The following PALM2AKAP2 variants were observed in gnomAD, a reference collection of about 807,000 sequenced individuals.
PALM2AKAP2 encodes PALM2 and AKAP2 fusion.
PALM2AKAP2 carries 37 observed loss-of-function variants against 71.5 expected under a neutral mutation model. That is an observed-to-expected ratio of 0.52 (90% CI 0.40 to 0.68). The LOEUF is 0.68. PALM2AKAP2 is among the 30% of genes least tolerant of loss of function. The probability of loss-of-function intolerance (pLI) is 0.00; values close to 1 mark genes in which losing one functional copy is unlikely to be tolerated. For synonymous variants in PALM2AKAP2, 468 were observed against 478.8 expected, an observed-to-expected ratio of 0.98 and a Z score of 0.29; for missense variants, 1,224 against 1,191.8, an observed-to-expected ratio of 1.03 and a Z score of -0.40.
intron 6 of PALM2AKAP2, among the ~76,000 whole-genome samples, chr9:110,003,289 A>C (rs1356766709): frequency 6.6e-6 from 1 of 151,486 alleles, no homozygotes; most frequent in Non-Finnish European, 1.5e-5. Flanking sequence ...TTTGTTATGT[A>C]CCCAGTAGTC....
chr9:109,959,013 G>T (rs1037035742), intron 6 of PALM2AKAP2, among the ~76,000 whole-genome samples: 24 of 152,216 alleles, frequency 1.6e-4, no homozygotes, highest in Middle Eastern at 3.4e-3. Context: ...TGCCATCTTT[G>T]TGCCCTCACT....
chr9:109,790,402 G>T (rs969652094), intron 1 of PALM2AKAP2, among the ~76,000 whole-genome samples: 3 of 151,974 alleles, frequency 2.0e-5, no homozygotes, highest in African/African-American at 7.3e-5. Context: ...TTAAATTCAG[G>T]GCTGAAACTT....
exon 4 of PALM2AKAP2, chr9:110,169,863 T>C (rs1335330047): frequency 6.6e-6 from 1 of 152,412 alleles, no homozygotes; most frequent in Non-Finnish European, 1.5e-5. Context: ...GGCACTTGGG[T>C]GTACAGGTAA....
Position 110,107,380 on chromosome 9 carries a change from G to A in PALM2AKAP2, c.157-28747G>A, listed in dbSNP as rs546466150. Reference sequence around the variant, plus strand: ...AATATGTACAAGTAATATATAATAAGTAAATTTTAGAAATAAGAGAAAAGA... The same window carrying A: ...AATATGTACAAGTAATATATAATAAATAAATTTTAGAAATAAGAGAAAAGA... On this transcript the variant is annotated intron_variant, in intron 1 of 3. Transcript: ENST00000374525. Among the ~76,000 whole-genome samples the A allele has an allele frequency of 3.3e-5, 5 of 152,242 alleles. No homozygotes were observed. The South Asian group carries it at 8.3e-4, about 25-fold the overall frequency.
At chr9:110,090,507 C>T (rs1834682409) in intron 1 of PALM2AKAP2, 17 of 449,570 alleles carry the variant, frequency 3.8e-5, no homozygotes, top group South Asian at 2.5e-4. Context: ...GCACATTTCT[C>T]TTTTATTCTT....
At chr9:109,861,266 TGCAGCACAGTCA>T in intron 1 of PALM2AKAP2, among the ~76,000 whole-genome samples, 1 of 152,212 alleles carries the variant, frequency 6.6e-6, no homozygotes, top group Admixed American at 6.5e-5. Flanking sequence ...GTGCTCCAGT[TGCAGCACAGTCA>T]GCAGGAGAGA....
chr9:109,855,545 C>T (rs903894688), intron 1 of PALM2AKAP2, among the ~76,000 whole-genome samples: 1 of 152,152 alleles, frequency 6.6e-6, no homozygotes, highest in African/African-American at 2.4e-5. Flanking sequence ...TGAAGTTCGT[C>T]AGTTTTGTGC....
chr9:109,960,053 C>T (rs971622158), intron 6 of PALM2AKAP2, among the ~76,000 whole-genome samples: 3 of 152,206 alleles, frequency 2.0e-5, no homozygotes, highest in Non-Finnish European at 4.4e-5. Context: ...TCACCCCCCT[C>T]CGCGAAACCT....
intron 7 of PALM2AKAP2, among the ~76,000 whole-genome samples, chr9:110,028,263 T>C (rs371755042): frequency 2.0e-5 from 3 of 152,198 alleles, no homozygotes; most frequent in African/African-American, 7.2e-5. Context: ...ATAAAATAAA[T>C]GTGAAAGAAA....
At chr9:109,833,775 A>G (rs1454944833) in intron 1 of PALM2AKAP2, among the ~76,000 whole-genome samples, 1 of 152,236 alleles carries the variant, frequency 6.6e-6, no homozygotes, top group Non-Finnish European at 1.5e-5. Context: ...TGATTGCCAC[A>G]TGTTTCTGAA....
chr9:109,973,911 T>C (rs781558448), intron 6 of PALM2AKAP2, among the ~76,000 whole-genome samples: 17 of 152,150 alleles, frequency 1.1e-4, no homozygotes, highest in African/African-American at 4.1e-4. Context: ...TGTCATTCAG[T>C]AAACATTGAT....
At chr9:110,017,727 TC>T (rs34153650) in intron 7 of PALM2AKAP2, among the ~76,000 whole-genome samples, 78,753 of 143,452 alleles carry the variant, frequency 0.55, 20,760 homozygotes, top group East Asian at 0.59. Context: ...AACGGCATAT[TC>T]CTTTTTTTTT....
At chr9:109,878,730 T>C (rs991369876) in intron 2 of PALM2AKAP2, among the ~76,000 whole-genome samples, 2 of 152,118 alleles carry the variant, frequency 1.3e-5, no homozygotes, top group African/African-American at 4.8e-5. Flanking sequence ...AACTTACTAA[T>C]ACTAAGTGTT....
intron 1 of PALM2AKAP2, among the ~76,000 whole-genome samples, chr9:109,785,468 C>T (rs1826936300): frequency 6.6e-6 from 1 of 152,132 alleles, no homozygotes; most frequent in Non-Finnish European, 1.5e-5. Context: ...TTGTATTAGT[C>T]CGTTTTCACC....
rs377740774 is a variant in PALM2AKAP2 at position 109,807,713 on chromosome 9, A to G, written c.45+27180A>G. 4.6e-5 allele frequency among the ~76,000 whole-genome samples: 7 copies of G among 152,340 alleles called. No homozygotes were observed. The East Asian group carries it at 1.3e-3, about 29-fold the overall frequency. ...AATATGAACCAATGGAGCCTCTTTT[A>G]TAAAGGCACTAATTCACCCCCTGAT... On this transcript the variant is annotated intron_variant, in intron 1 of 9. Coordinates refer to the PALM2AKAP2 transcript ENST00000302798.
At chr9:109,655,613 C>A (rs1160963353) in intron 1 of PALM2AKAP2, among the ~76,000 whole-genome samples, 5 of 152,140 alleles carry the variant, frequency 3.3e-5, no homozygotes, top group African/African-American at 1.2e-4. Flanking sequence ...TCCCCACCCC[C>A]TACCCCCCAT....
chr9:110,007,253 C>A (rs1832802022), intron 6 of PALM2AKAP2, among the ~76,000 whole-genome samples: 1 of 152,166 alleles, frequency 6.6e-6, no homozygotes, highest in Non-Finnish European at 1.5e-5. Context: ...TGCCATACTA[C>A]CTTGGGACTT....
intron 1 of PALM2AKAP2, among the ~76,000 whole-genome samples, chr9:109,783,562 G>A (rs1364769963): frequency 6.6e-6 from 1 of 152,276 alleles, no homozygotes; most frequent in East Asian, 1.9e-4. Context: ...GCCTCCCAAA[G>A]CACTGAGTTT....
intron 1 of PALM2AKAP2, among the ~76,000 whole-genome samples, chr9:110,123,508 C>T (rs556520575): frequency 1.3e-5 from 2 of 152,270 alleles, no homozygotes; most frequent in Non-Finnish European, 2.9e-5. Context: ...CAAATAAGGT[C>T]ACATTCTGAG....
Sources: gnomAD v4.1 joint callset for allele counts (sites outside exome capture counted in the v4.1 genomes callset) on GRCh38, gnomAD v4.1.1 for gene constraint, MANE v1.5 for transcripts, NCBI Gene and HGNC (gene_info 2026-07-23, HGNC 2026-07-21) for gene names.